Variants in SLC9A9 observed in about 807,000 individuals in gnomAD.
SLC9A9 encodes the protein sodium/hydrogen exchanger 9.
A neutral mutation model predicts 77.8 loss-of-function variants in SLC9A9; 62 were observed. The ratio of observed to expected loss-of-function variants is 0.80; its 90% CI spans 0.65 to 0.98. SLC9A9 has a LOEUF of 0.98. SLC9A9 is among the 50% of genes least tolerant of loss of function. The probability of loss-of-function intolerance (pLI) is 0.00; values close to 1 mark genes in which losing one functional copy is unlikely to be tolerated. For missense variants in SLC9A9, 775 were observed against 774.9 expected (o/e 1.00, Z 0.00); for synonymous variants, 320 against 283.5 (o/e 1.13, Z -1.29).
At chr3:143,595,258 T>C (rs2037734763) in intron 6 of SLC9A9, among the ~76,000 whole-genome samples, 2 of 152,194 alleles carry the variant, frequency 1.3e-5, no homozygotes, top group South Asian at 4.1e-4. Flanking sequence ...ATATTTCTTT[T>C]GGCTTCAGAG....
intron 14 of SLC9A9, among the ~76,000 whole-genome samples, chr3:143,349,362 T>C (rs2032387747): frequency 6.6e-6 from 1 of 152,206 alleles, no homozygotes; most frequent in Non-Finnish European, 1.5e-5. Flanking sequence ...GAACCAGGAC[T>C]AGCCTCATCC....
intron 4 of SLC9A9, among the ~76,000 whole-genome samples, chr3:143,693,610 C>A (rs372155966): frequency 1.3e-5 from 2 of 152,124 alleles, no homozygotes; most frequent in Non-Finnish European, 2.9e-5. Flanking sequence ...TGTGGCACAG[C>A]AAATCATATC....
intron 9 of SLC9A9, among the ~76,000 whole-genome samples, chr3:143,532,599 G>A (rs1462332984): frequency 4.6e-5 from 7 of 151,962 alleles, no homozygotes; most frequent in Non-Finnish European, 7.4e-5. Flanking sequence ...CATGAAACTC[G>A]AATATAAAAA....
intron 2 of SLC9A9, among the ~76,000 whole-genome samples, chr3:143,820,696 T>C (rs539491211): frequency 1.4e-3 from 220 of 152,326 alleles, no homozygotes; most frequent in African/African-American, 5.0e-3. Flanking sequence ...AGCCTGGTCC[T>C]GCGTCTCACC....
intron 12 of SLC9A9, among the ~76,000 whole-genome samples, chr3:143,410,866 T>C (rs1216237198): frequency 6.6e-6 from 1 of 152,170 alleles, no homozygotes; most frequent in African/African-American, 2.4e-5. Flanking sequence ...TAGATAACAT[T>C]AAATTTTAGC....
intron 12 of SLC9A9, among the ~76,000 whole-genome samples, chr3:143,442,894 C>T (rs1230600443): frequency 2.0e-5 from 3 of 152,182 alleles, no homozygotes; most frequent in African/African-American, 4.8e-5. Context: ...CCATGGGGCC[C>T]GGTGGGGTGG....
In SLC9A9 at chr3:143,407,334, G is replaced by A. The variant is rs2034001679; in HGVS notation, c.1470-25220C>T. On this transcript the variant is annotated intron_variant, in intron 12 of 15. Coordinates refer to ENST00000316549, the MANE Select transcript of SLC9A9 (RefSeq NM_173653.4). ...AGGACTCTATACTGTAAGGATGATA[G>A]TCAAATTGAGTGGCAAAATCTTAGG... Among the ~76,000 whole-genome samples, 3 of 152,176 alleles carry A rather than the reference G, an allele frequency of 2.0e-5. 1 individual carries two copies. The highest frequency in any genetic ancestry group is 7.2e-5 in the African/African-American group (3 of 41,442).
At chr3:143,405,815 C>G (rs2033965170) in intron 12 of SLC9A9, among the ~76,000 whole-genome samples, 1 of 152,174 alleles carries the variant, frequency 6.6e-6, no homozygotes, top group African/African-American at 2.4e-5. Flanking sequence ...GGAGGGAGAA[C>G]AGCATATTCT....
At chr3:143,417,797 C>T (rs188570471) in intron 12 of SLC9A9, among the ~76,000 whole-genome samples, 91 of 152,000 alleles carry the variant, frequency 6.0e-4, no homozygotes, top group Admixed American at 1.7e-3. Context: ...TCTGGAAGTC[C>T]GAGAAGACTA....
chr3:143,402,690 GT>G (rs1482502070), intron 12 of SLC9A9, among the ~76,000 whole-genome samples: 1 of 149,626 alleles, frequency 6.7e-6, no homozygotes, highest in East Asian at 2.0e-4. Flanking sequence ...TGTGGTTATT[GT>G]TTGCATGGTG....
chr3:143,552,962 G>A (rs529167742), intron 8 of SLC9A9, among the ~76,000 whole-genome samples: 2 of 152,242 alleles, frequency 1.3e-5, no homozygotes, highest in South Asian at 4.1e-4. Context: ...GGGTTTTGCT[G>A]CCCCTGCCAA....
At chr3:143,558,094 TCC>T in intron 8 of SLC9A9, among the ~76,000 whole-genome samples, 1 of 152,192 alleles carries the variant, frequency 6.6e-6, no homozygotes, top group East Asian at 1.9e-4. Context: ...GTGCCCTGTG[TCC>T]CAACTGCTTT....
At position 143,733,916 on chromosome 3, in the gene SLC9A9, A is replaced by T. The variant is rs116269253; in HGVS notation, c.534-40609T>A. On this transcript the variant is annotated intron_variant, in intron 4 of 15. Coordinates refer to ENST00000316549, the MANE Select transcript of SLC9A9 (RefSeq NM_173653.4). ...TCGAATTGACTAAGAAAACCTTGAG[A>T]CTGGGCACAGTGGCTAATACCTATA... Among the ~76,000 whole-genome samples, 502 of 152,254 alleles carry T rather than the reference A, an allele frequency of 3.3e-3. 5 individuals are homozygous for T. The highest frequency in any genetic ancestry group is 0.011 in the African/African-American group (471 of 41,550).
intron 13 of SLC9A9, among the ~76,000 whole-genome samples, chr3:143,374,201 G>A (rs1053728269): frequency 4.6e-5 from 7 of 151,950 alleles, no homozygotes; most frequent in East Asian, 3.9e-4. Context: ...CGAGGTGGGC[G>A]GATCACGAGG....
chr3:143,348,016 ATTT>A (rs11397226), intron 14 of SLC9A9, among the ~76,000 whole-genome samples: 2 of 142,382 alleles, frequency 1.4e-5, no homozygotes, highest in Non-Finnish European at 3.1e-5. Flanking sequence ...TTAAGCAGTA[ATTT>A]TTTTTTTTTT....
intron 12 of SLC9A9, among the ~76,000 whole-genome samples, chr3:143,465,333 C>T (rs2035265027): frequency 6.6e-6 from 1 of 152,244 alleles, no homozygotes; most frequent in African/African-American, 2.4e-5. Flanking sequence ...ATACTCCCCT[C>T]TCCCTGCTGG....
At chr3:143,503,271 T>A in intron 9 of SLC9A9, 1 of 245,164 alleles carries the variant, frequency 4.1e-6, no homozygotes, top group Admixed American at 5.2e-5. Context: ...CTGGGGCTGG[T>A]GGTCTAGGAG....
chr3:143,740,747 G>A (rs1211934347), intron 4 of SLC9A9, among the ~76,000 whole-genome samples: 2 of 152,158 alleles, frequency 1.3e-5, no homozygotes, highest in African/African-American at 4.8e-5. Context: ...GAGAAAAGCT[G>A]ACCTAAAAGA....
At chr3:143,795,163 C>T (rs1356290683) in intron 3 of SLC9A9, 86 bp from the exon 4 acceptor site, 1 of 1,273,416 alleles carries the variant, frequency 7.9e-7, no homozygotes, top group East Asian at 2.6e-5. Flanking sequence ...ATGCAGTTCA[C>T]AGACCCCTCA....
Sources: gnomAD v4.1 joint callset for allele counts (sites outside exome capture counted in the v4.1 genomes callset) on GRCh38, gnomAD v4.1.1 for gene constraint, MANE v1.5 for transcripts, NCBI Gene and HGNC (gene_info 2026-07-23, HGNC 2026-07-21) for gene names.